Variants in CNTN6 observed in about 807,000 individuals in gnomAD.
CNTN6 encodes the protein contactin-6.
In CNTN6, 137 loss-of-function variants were observed where a neutral mutation model predicts 122.8. The ratio of observed to expected loss-of-function variants is 1.12; its 90% CI spans 0.97 to 1.29. The LOEUF (loss-of-function observed/expected upper bound fraction) is 1.29. Among genes scored for constraint, CNTN6 ranks in the 50% most tolerant of loss-of-function variants. The pLI is 0.00. For synonymous variants in CNTN6, 570 were observed against 426.0 expected, an observed-to-expected ratio of 1.34 and a Z score of -4.16; for missense variants, 1,634 against 1,223.4, an observed-to-expected ratio of 1.34 and a Z score of -5.01.
Position 1,383,354 on chromosome 3 carries a change from T to G in CNTN6, c.2463T>G (p.Val821=). ...GTTTTTCTGCTTCTGAAATGGAGGTTTCATGGAATGCTATTGCCTGGAATA... is the reference window on the plus strand; with the variant it reads ...GTTTTTCTGCTTCTGAAATGGAGGTGTCATGGAATGCTATTGCCTGGAATA... The part of the protein sequence containing the change: ...LQSFSASEME[V]SWNAIAWNRN... Residue 821 remains valine, a synonymous_variant, in exon 19 of 23, where the codon GTT becomes GTG. Coordinates refer to ENST00000446702, the MANE Select transcript of CNTN6 (RefSeq NM_001289080.2). 1 of 1,614,030 alleles carries G rather than the reference T, an allele frequency of 6.2e-7. No individual in the cohort carries two copies. The highest frequency in any genetic ancestry group is 8.5e-7 in the Non-Finnish European group (1 of 1,179,908).
At chr3:1,308,498 C>A (rs1698719351) in intron 7 of CNTN6, among the ~76,000 whole-genome samples, 1 of 152,056 alleles carries the variant, frequency 6.6e-6, no homozygotes, top group South Asian at 2.1e-4. Flanking sequence ...GCTGGAGTGT[C>A]ATTTATTTAG....
At chr3:1,311,694 A>G (rs1009336027) in intron 7 of CNTN6, among the ~76,000 whole-genome samples, 1 of 151,490 alleles carries the variant, frequency 6.6e-6, no homozygotes, top group African/African-American at 2.4e-5. Context: ...TCTCCCCCAA[A>G]GGATAACTAC....
intron 1 of CNTN6, among the ~76,000 whole-genome samples, chr3:1,110,567 C>T (rs554021781): frequency 6.6e-6 from 1 of 152,006 alleles, no homozygotes; most frequent in Non-Finnish European, 1.5e-5. Context: ...AAAGAAATTC[C>T]TTATACAGAC....
At position 1,220,455 on chromosome 3, in the gene CNTN6, G is replaced by A. The variant is rs186886113; in HGVS notation, c.56-232G>A. On this transcript the variant is annotated intron_variant, in intron 2 of 22. Transcript: ENST00000446702. ...ATTTCTTGATATTGTTGGTTTTGGG[G>A]GTGTTATGCCCTTTGTTTGTTGGAA... Among the ~76,000 whole-genome samples, 276 of 152,134 alleles carry A rather than the reference G, an allele frequency of 1.8e-3. 2 individuals carry two copies. The highest frequency in any genetic ancestry group is 2.7e-3 in the Non-Finnish European group (185 of 68,008).
intron 20 of CNTN6, among the ~76,000 whole-genome samples, chr3:1,396,741 CTTTTCT>C (rs1332505932): frequency 3.9e-5 from 6 of 152,240 alleles, no homozygotes; most frequent in African/African-American, 1.4e-4. Context: ...GCAGAATTTT[CTTTTCT>C]TTAAGGGTCG....
intron 12 of CNTN6, among the ~76,000 whole-genome samples, chr3:1,360,744 C>T (rs545598075): frequency 3.3e-5 from 5 of 152,056 alleles, no homozygotes; most frequent in African/African-American, 1.2e-4. Context: ...AGATATTTCT[C>T]TTCAATCCCC....
chr3:1,281,402 C>T (rs955377468), intron 5 of CNTN6, among the ~76,000 whole-genome samples: 10 of 150,784 alleles, frequency 6.6e-5, no homozygotes, highest in African/African-American at 2.4e-4. Context: ...AAGTATTAAA[C>T]AAAGCTTCTC....
At chr3:1,311,165 T>C (rs925966723) in intron 7 of CNTN6, among the ~76,000 whole-genome samples, 3 of 137,850 alleles carry the variant, frequency 2.2e-5, no homozygotes, top group African/African-American at 8.0e-5. Context: ...TATACATAGG[T>C]GTATATATAA....
At chr3:1,402,290 T>G in intron 21 of CNTN6, 28 bp from the exon 22 acceptor site, 1 of 1,586,244 alleles carries the variant, frequency 6.3e-7, no homozygotes. Flanking sequence ...AACATGTCCA[T>G]GTTAACTTGA....
chr3:1,147,217 A>G (rs1288253291), intron 1 of CNTN6, among the ~76,000 whole-genome samples: 4 of 152,084 alleles, frequency 2.6e-5, no homozygotes, highest in African/African-American at 9.7e-5. Flanking sequence ...AGTTTTATCA[A>G]ATGTAACCTA....
chr3:1,137,809 G>C (rs1262456994), intron 1 of CNTN6, among the ~76,000 whole-genome samples: 1 of 152,156 alleles, frequency 6.6e-6, no homozygotes, highest in Non-Finnish European at 1.5e-5. Context: ...ATTCCAGACT[G>C]TTTAGGTTTC....
chr3:1,327,422 G>C (rs145695946), intron 9 of CNTN6, 35 bp from the exon 10 acceptor site: 3 of 1,595,830 alleles, frequency 1.9e-6, no homozygotes, highest in South Asian at 1.1e-5. Context: ...CTATATTAAC[G>C]TACAAGCATC....
chr3:1,131,800 G>A (rs1443520067), intron 1 of CNTN6, among the ~76,000 whole-genome samples: 1 of 152,090 alleles, frequency 6.6e-6, no homozygotes, highest in Non-Finnish European at 1.5e-5. Context: ...TATTCACCTT[G>A]TTATGAATAT....
At chr3:1,379,190 A>C (rs1710306186) in intron 17 of CNTN6, among the ~76,000 whole-genome samples, 1 of 150,908 alleles carries the variant, frequency 6.6e-6, no homozygotes, top group Admixed American at 6.6e-5. Flanking sequence ...ATTACCAAAG[A>C]ATACTGTCTT....
intron 2 of CNTN6, among the ~76,000 whole-genome samples, chr3:1,203,161 A>G (rs146038119): frequency 0.019 from 2,847 of 152,306 alleles, 77 homozygotes; most frequent in African/African-American, 0.065. Context: ...TTATTTCTAA[A>G]TAAGTTAGTT....
At chr3:1,271,614 G>T (rs2095028784) in intron 4 of CNTN6, among the ~76,000 whole-genome samples, 1 of 152,110 alleles carries the variant, frequency 6.6e-6, no homozygotes, top group African/African-American at 2.4e-5. Flanking sequence ...AGATGTAAGG[G>T]TGGAGATAAA....
chr3:1,135,883 T>A (rs1206018249), intron 1 of CNTN6, among the ~76,000 whole-genome samples: 1 of 151,998 alleles, frequency 6.6e-6, no homozygotes, highest in East Asian at 1.9e-4. Flanking sequence ...TCCCAGCTAC[T>A]CGGGAGGCTA....
intron 3 of CNTN6, among the ~76,000 whole-genome samples, chr3:1,222,786 A>G (rs149471126): frequency 2.4e-4 from 36 of 152,048 alleles, no homozygotes; most frequent in African/African-American, 8.7e-4. Flanking sequence ...TTTGTTGTAC[A>G]AATTATTTCA....
At chr3:1,398,361 A>G (rs891637070) in intron 20 of CNTN6, among the ~76,000 whole-genome samples, 2 of 152,154 alleles carry the variant, frequency 1.3e-5, no homozygotes, top group Non-Finnish European at 2.9e-5. Context: ...AAAATAAGAA[A>G]GGATGTAGAC....
Sources: allele counts gnomAD v4.1 joint callset (sites outside exome capture counted in the v4.1 genomes callset), GRCh38; gene constraint gnomAD v4.1.1; transcripts MANE v1.5; gene names NCBI Gene and HGNC (gene_info 2026-07-23, HGNC 2026-07-21).